Variants in PRKCE observed in about 807,000 individuals in gnomAD.
PRKCE encodes protein kinase C epsilon.
PRKCE carries 16 observed loss-of-function variants against 85.4 expected under a neutral mutation model. The observed-to-expected ratio is 0.19, with a 90% CI of 0.13 to 0.28. The LOEUF is 0.28. Among genes scored for constraint, PRKCE ranks in the 10% least tolerant of loss-of-function variants. The pLI is 1.00. For missense variants in PRKCE, 573 were observed against 975.2 expected, an observed-to-expected ratio of 0.59 and a Z score of 5.49; for synonymous variants, 388 against 371.5, an observed-to-expected ratio of 1.04 and a Z score of -0.51.
At chr2:46,087,638 A>T (rs1669771267) in intron 11 of PRKCE, among the ~76,000 whole-genome samples, 1 of 152,202 alleles carries the variant, frequency 6.6e-6, no homozygotes, top group African/African-American at 2.4e-5. Context: ...CTATTGCTGC[A>T]TATCCAGTGA....
chr2:46,161,928 G>A (rs1574637437), intron 14 of PRKCE, among the ~76,000 whole-genome samples: 1 of 152,146 alleles, frequency 6.6e-6, no homozygotes, highest in African/African-American at 2.4e-5. Context: ...GCACATGGCA[G>A]GAAGGGTATG....
intron 6 of PRKCE, among the ~76,000 whole-genome samples, chr2:45,997,847 G>A (rs1229278144): frequency 6.6e-6 from 1 of 152,072 alleles, no homozygotes; most frequent in Admixed American, 6.5e-5. Context: ...ATACCCGGCC[G>A]GTAAGTTGTA....
intron 10 of PRKCE, among the ~76,000 whole-genome samples, chr2:46,063,599 G>T (rs1476271036): frequency 6.6e-6 from 1 of 152,200 alleles, no homozygotes; most frequent in Non-Finnish European, 1.5e-5. Flanking sequence ...GCTCTGTGAA[G>T]CAGCTCGAGT....
chr2:45,655,286 G>T (rs1336657981), intron 1 of PRKCE, among the ~76,000 whole-genome samples: 1 of 152,070 alleles, frequency 6.6e-6, no homozygotes, highest in African/African-American at 2.4e-5. Flanking sequence ...CATGTGGCCC[G>T]GGATGGCTTT....
At chr2:45,890,800 C>T (rs1982367) in intron 2 of PRKCE, among the ~76,000 whole-genome samples, 49,943 of 152,064 alleles carry the variant, frequency 0.33, 8,678 homozygotes, top group East Asian at 0.55. Flanking sequence ...GCCTACCCTG[C>T]ACAAGGCACT....
chr2:46,100,318 C>T (rs947411991), intron 11 of PRKCE, among the ~76,000 whole-genome samples: 6 of 152,108 alleles, frequency 3.9e-5, no homozygotes, highest in East Asian at 1.9e-4. Flanking sequence ...GTCAAATCAC[C>T]GTCTGTGGGT....
At chr2:46,038,626 A>G (rs1040871070) in intron 10 of PRKCE, among the ~76,000 whole-genome samples, 8 of 150,390 alleles carry the variant, frequency 5.3e-5, no homozygotes, top group African/African-American at 1.7e-4. Context: ...ATATACAATG[A>G]TGGAATTAAG....
rs147813647 is a variant in PRKCE at position 45,662,863 on chromosome 2, ACAAGCAAG to A, written c.348+10438_348+10445del. Among the ~76,000 whole-genome samples the A allele has an allele frequency of 8.0e-3, 1,177 of 147,746 alleles. 15 individuals carry two copies. Among genetic ancestry groups the A allele is most frequent in the African/African-American group, 0.029 (1,113 of 38,694 alleles). ...AAGCCACTCAAAGAGTACTCTGAAA[ACAAGCAAG>A]CAAGCAAGCAAGCAAGCAAGCAGAA... On this transcript the variant is annotated intron_variant, in intron 1 of 14. Transcript: ENST00000306156.
intron 1 of PRKCE, among the ~76,000 whole-genome samples, chr2:45,694,402 A>T (rs1677976745): frequency 6.6e-6 from 1 of 152,158 alleles, no homozygotes; most frequent in Non-Finnish European, 1.5e-5. Flanking sequence ...TTCAGGGAAC[A>T]TGGAGTATAT....
At position 46,008,585 on chromosome 2, in the gene PRKCE, C is replaced by A. The variant is rs1284545539; in HGVS notation, c.1263+924C>A. ...CTGGCATGTCCTGGACTCTTGAAAG[C>A]AGCAGCCTGTAGGTCAGTCAGCTGG... On this transcript the variant is annotated intron_variant, in intron 9 of 14. Transcript: ENST00000306156. Among the ~76,000 whole-genome samples, 6 of 152,202 alleles carry A rather than the reference C, an allele frequency of 3.9e-5. No homozygotes were observed. The East Asian group carries it at 1.2e-3, about 29-fold the overall frequency.
rs1239970914 is a variant in PRKCE at position 46,004,204 on chromosome 2, G to A, written c.967-338G>A. The stretch of plus-strand genomic sequence containing the variant: ...GCTTGCTAACCTTTATGGTGTCCTC[G>A]CACAACCCGAACTACTTCATCCTTT... On this transcript the variant is annotated intron_variant, in intron 7 of 14. Coordinates refer to ENST00000306156, the MANE Select transcript of PRKCE (RefSeq NM_005400.3). The surrounding 1 kb of genome is among the most constrained non-coding windows in gnomAD (Gnocchi z 4.1). The A allele has an allele frequency of 6.2e-6, 2 of 324,750 alleles. No individual in the cohort carries two copies. The highest frequency in any genetic ancestry group is 2.7e-5 in the South Asian group (1 of 36,560). The allele number at this position is 324,750 out of a possible 1,614,324, so 20.1% of individuals were successfully genotyped here.
At chr2:45,812,039 G>T (rs1166445237) in intron 1 of PRKCE, among the ~76,000 whole-genome samples, 2 of 152,184 alleles carry the variant, frequency 1.3e-5, no homozygotes, top group Admixed American at 6.5e-5. Context: ...TAAGTGGGAA[G>T]AAGAGGGAAC....
At chr2:45,713,878 C>G (rs1022491643) in intron 1 of PRKCE, among the ~76,000 whole-genome samples, 4 of 152,162 alleles carry the variant, frequency 2.6e-5, no homozygotes, top group Non-Finnish European at 5.9e-5. Flanking sequence ...TTCATTTACA[C>G]AAAGGACTTT....
At chr2:46,112,637 G>C (rs1458179929) in intron 11 of PRKCE, among the ~76,000 whole-genome samples, 3 of 152,036 alleles carry the variant, frequency 2.0e-5, no homozygotes, top group Non-Finnish European at 2.9e-5. Context: ...TCATGCCTCA[G>C]CCACCCCAAG....
At chr2:45,963,092 C>T (rs2104435836) in intron 2 of PRKCE, among the ~76,000 whole-genome samples, 1 of 152,266 alleles carries the variant, frequency 6.6e-6, no homozygotes, top group Middle Eastern at 3.4e-3. Context: ...GGACGTCTAT[C>T]TCCCAGTGCC....
At chr2:45,796,976 T>C (rs1447349066) in intron 1 of PRKCE, among the ~76,000 whole-genome samples, 1 of 152,168 alleles carries the variant, frequency 6.6e-6, no homozygotes, top group Non-Finnish European at 1.5e-5. Flanking sequence ...AGTTAAGACA[T>C]CATTGAGGGT....
At chr2:46,037,816 C>G (rs1244582109) in intron 10 of PRKCE, among the ~76,000 whole-genome samples, 1 of 152,168 alleles carries the variant, frequency 6.6e-6, no homozygotes, top group Non-Finnish European at 1.5e-5. Context: ...AAGCCCAGCT[C>G]TAGCAAAGAG....
chr2:45,968,444 C>A (rs1421466857), intron 2 of PRKCE, among the ~76,000 whole-genome samples: 3 of 152,030 alleles, frequency 2.0e-5, no homozygotes, highest in Non-Finnish European at 2.9e-5. Flanking sequence ...CAAAGGCATA[C>A]AAAGTGGTAT....
At chr2:45,663,124 A>G (rs1675753117) in intron 1 of PRKCE, among the ~76,000 whole-genome samples, 1 of 152,248 alleles carries the variant, frequency 6.6e-6, no homozygotes, top group African/African-American at 2.4e-5. Flanking sequence ...ACATTAGTGT[A>G]TTAAAGACTC....
Sources: gnomAD v4.1 joint callset for allele counts (sites outside exome capture counted in the v4.1 genomes callset) on GRCh38, gnomAD v4.1.1 for gene constraint, Gnocchi (gnomAD v3.1) non-coding constraint, MANE v1.5 for transcripts, NCBI Gene and HGNC (gene_info 2026-07-23, HGNC 2026-07-21) for gene names.